The following EYS variants were observed in gnomAD, a reference collection of about 807,000 sequenced individuals.
EYS encodes the protein protein eyes shut homolog.
In EYS, 250 loss-of-function variants were observed where a neutral mutation model predicts 282.1. That is an observed-to-expected ratio of 0.89 (90% CI 0.80 to 0.98). The LOEUF is 0.98. Among genes scored for constraint, EYS ranks in the 50% least tolerant of loss-of-function variants. The pLI, the probability that EYS is intolerant of heterozygous loss-of-function variation, is 0.00. For synonymous variants in EYS, 1,355 were observed against 1,282.9 expected (o/e 1.06, Z -1.20); for missense variants, 4,016 against 3,709.0 (o/e 1.08, Z -2.15).
rs1314332160 is a variant in EYS at position 65,396,539 on chromosome 6, C to A, written c.1184+5939G>T. On this transcript the variant is annotated intron_variant, in intron 7 of 42. Coordinates refer to ENST00000503581, the MANE Select transcript of EYS (RefSeq NM_001142800.2). The stretch of plus-strand genomic sequence containing the variant: ...ATACACCCTTAAATCACTCTTTCCC[C>A]TCCATTGTCATAGCCTGATAAAGCT... Among the ~76,000 whole-genome samples the A allele has an allele frequency of 6.6e-5, 10 of 152,188 alleles. No individual in the cohort carries two copies. In the East Asian group the frequency reaches 1.9e-3, roughly 29 times the overall value.
chr6:64,060,380 G>T (rs928767366), intron 33 of EYS, among the ~76,000 whole-genome samples: 2 of 152,154 alleles, frequency 1.3e-5, no homozygotes, highest in Non-Finnish European at 2.9e-5. Flanking sequence ...CTGCAATGCA[G>T]AGGATATATG....
At chr6:64,513,617 A>G (rs1404655242) in intron 26 of EYS, among the ~76,000 whole-genome samples, 2 of 151,952 alleles carry the variant, frequency 1.3e-5, no homozygotes, top group African/African-American at 4.8e-5. Flanking sequence ...TGCCAAGGCA[A>G]GAAAGAACGA....
chr6:64,534,912 C>T (rs1010655593), intron 26 of EYS, among the ~76,000 whole-genome samples: 6 of 152,096 alleles, frequency 3.9e-5, no homozygotes, highest in South Asian at 2.1e-4. Context: ...CCAATTTGCA[C>T]ACAAAGGTGC....
intron 29 of EYS, among the ~76,000 whole-genome samples, chr6:64,367,008 T>C (rs1480966077): frequency 1.3e-5 from 2 of 152,094 alleles, no homozygotes; most frequent in African/African-American, 4.8e-5. Flanking sequence ...CTCATCCTCA[T>C]TCTTGCTTAA....
chr6:63,990,990 G>A (rs1767579175), intron 34 of EYS, among the ~76,000 whole-genome samples: 1 of 151,634 alleles, frequency 6.6e-6, no homozygotes, highest in African/African-American at 2.4e-5. Context: ...TTGTTTGACT[G>A]AGAGTGTTAA....
chr6:64,036,462 T>A lies in EYS; in HGVS notation c.6725+29876A>T, dbSNP rs78135359. 3.0e-3 allele frequency among the ~76,000 whole-genome samples: 453 copies of A among 152,336 alleles called. 16 individuals are homozygous for A. In the East Asian group the frequency reaches 0.074, roughly 25 times the overall value. On this transcript the variant is annotated intron_variant, in intron 33 of 42. Transcript: ENST00000503581. ...CATTAGTGACATTAATCTGGAATAC[T>A]ATAGAAGAGTTATTATTCTGGAATA...
chr6:64,767,956 G>C (rs1270192521), intron 22 of EYS, among the ~76,000 whole-genome samples: 1 of 151,890 alleles, frequency 6.6e-6, no homozygotes, highest in African/African-American at 2.4e-5. Context: ...GTATTTTTTT[G>C]TGTTTTTGAT....
chr6:65,375,772 G>C (rs1582207470), intron 8 of EYS, among the ~76,000 whole-genome samples: 1 of 151,976 alleles, frequency 6.6e-6, no homozygotes, highest in East Asian at 2.0e-4. Flanking sequence ...CAGAAGAAAG[G>C]ATATCAGAGA....
intron 2 of EYS, among the ~76,000 whole-genome samples, chr6:65,615,693 G>A (rs1766166774): frequency 6.6e-6 from 1 of 151,994 alleles, no homozygotes; most frequent in African/African-American, 2.4e-5. Context: ...CCAGCACTTT[G>A]GGAGGCCAAG....
At chr6:65,247,840 G>T (rs541408895) in intron 12 of EYS, among the ~76,000 whole-genome samples, 108 of 152,050 alleles carry the variant, frequency 7.1e-4, no homozygotes, top group Non-Finnish European at 1.3e-3. Context: ...ATATTGGAAA[G>T]AAAATAATTC....
chr6:63,964,783 C>T (rs1180429493), intron 35 of EYS, among the ~76,000 whole-genome samples: 2 of 152,174 alleles, frequency 1.3e-5, no homozygotes, highest in Non-Finnish European at 2.9e-5. Flanking sequence ...AAAACAACAA[C>T]CAGTTCCTTT....
intron 36 of EYS, among the ~76,000 whole-genome samples, chr6:63,809,339 T>A (rs1770982438): frequency 6.6e-6 from 1 of 152,212 alleles, no homozygotes; most frequent in Non-Finnish European, 1.5e-5. Flanking sequence ...TTTGGTTAAT[T>A]TGGTTACTCT....
intron 16 of EYS, among the ~76,000 whole-genome samples, chr6:64,912,105 G>A (rs1331807402): frequency 6.6e-6 from 1 of 151,990 alleles, no homozygotes; most frequent in Non-Finnish European, 1.5e-5. Flanking sequence ...GTACAATAGG[G>A]CATTTCATTA....
At chr6:64,536,637 A>G (rs984518171) in intron 26 of EYS, among the ~76,000 whole-genome samples, 3 of 152,116 alleles carry the variant, frequency 2.0e-5, no homozygotes, top group Admixed American at 6.6e-5. Context: ...ATAGGGCTAC[A>G]TCCTACTTGC....
At chr6:65,394,471 G>A (rs1021115201) in intron 7 of EYS, among the ~76,000 whole-genome samples, 13 of 151,970 alleles carry the variant, frequency 8.6e-5, no homozygotes, top group Admixed American at 3.9e-4. Flanking sequence ...GTCCTGTAGC[G>A]CCGTGGACAC....
chr6:64,778,843 G>A lies in EYS; in HGVS notation c.3443+34535C>T, dbSNP rs577004572. ...CAACAAAATTACATTATGTGCAAAAGATCCCAATAGATGCTTCACCAAATA... is the reference window on the plus strand; with the variant it reads ...CAACAAAATTACATTATGTGCAAAAAATCCCAATAGATGCTTCACCAAATA... On this transcript the variant is annotated intron_variant, in intron 22 of 42. Coordinates refer to ENST00000503581, the MANE Select transcript of EYS (RefSeq NM_001142800.2). 3.1e-3 allele frequency among the ~76,000 whole-genome samples: 477 copies of A among 152,134 alleles called. 3 individuals are homozygous for A. Among genetic ancestry groups the A allele is most frequent in the Middle Eastern group, 6.8e-3 (2 of 294 alleles).
intron 19 of EYS, among the ~76,000 whole-genome samples, chr6:64,825,933 G>A (rs998823066): frequency 6.6e-6 from 1 of 151,244 alleles, no homozygotes; most frequent in Non-Finnish European, 1.5e-5. Context: ...AAATACATAT[G>A]CTCCCTGATT....
chr6:65,008,574 G>A (rs1771765644), intron 13 of EYS, among the ~76,000 whole-genome samples: 1 of 152,180 alleles, frequency 6.6e-6, no homozygotes, highest in African/African-American at 2.4e-5. Context: ...TGCTTCCAGT[G>A]CAGTCTACAA....
Position 63,720,936 on chromosome 6 carries a change from A to G in EYS, c.9095T>C (p.Met3032Thr). The G allele has an allele frequency of 6.4e-7, 1 of 1,551,348 alleles. No individual in the cohort carries two copies. The highest frequency in any genetic ancestry group is 2.4e-5 in the East Asian group (1 of 40,878). The change falls in exon 43 of 43, where the codon ATG becomes ACG. Residue 3032 changes from methionine to threonine, a missense_variant. Physicochemically the swap from Met to Thr is moderately conservative, Grantham distance 81. Coordinates refer to ENST00000503581, the MANE Select transcript of EYS (RefSeq NM_001142800.2). The part of the protein sequence containing the change: ...VNLGERISVP[M>T]SYNNGTFCCN... ...ACAGAATGTGCCATTGTTATAGCTC[A>G]TAGGCACAGAGATTCTTTCTCCCAA... is the stretch of plus-strand genomic sequence containing the variant.
Sources: gnomAD v4.1 joint callset for allele counts (sites outside exome capture counted in the v4.1 genomes callset) on GRCh38, gnomAD v4.1.1 for gene constraint, MANE v1.5 for transcripts, NCBI Gene and HGNC (gene_info 2026-07-23, HGNC 2026-07-21) for gene names.